The following ZNF787 variants were observed in gnomAD, a reference collection of about 807,000 sequenced individuals.
The protein encoded by ZNF787 is zinc finger protein 787.
ZNF787 carries 7 observed loss-of-function variants against 16.9 expected under a neutral mutation model. The observed-to-expected ratio is 0.42, with a 90% CI of 0.24 to 0.78. The LOEUF is 0.78. Ranked by LOEUF, ZNF787 falls within the 30% of genes least tolerant of loss-of-function variation. The pLI is 0.30. For missense variants in ZNF787, 551 were observed against 589.3 expected (o/e 0.94, Z 0.67); for synonymous variants, 345 against 270.9 (o/e 1.27, Z -2.69).
At chr19:56,102,861 G>C in intron 2 of ZNF787, 1 of 702,308 alleles carries the variant, frequency 1.4e-6, no homozygotes. Flanking sequence ...TGCTGCCCAG[G>C]CTGGAGGGGC....
At chr19:56,092,175 G>C (rs11881819) in intron 2 of ZNF787, among the ~76,000 whole-genome samples, 7 of 152,306 alleles carry the variant, frequency 4.6e-5, no homozygotes, top group African/African-American at 1.7e-4. Flanking sequence ...AGGAGCACAA[G>C]AGTTCTCATT....
rs369441020 is a variant in ZNF787, at chr19:56,109,800, C to T, written c.-10-6573G>A. 9.3e-4 allele frequency among the ~76,000 whole-genome samples: 142 copies of T among 152,220 alleles called. 1 individual carries two copies. Among genetic ancestry groups the T allele is most frequent in the African/African-American group, 3.3e-3 (136 of 41,536 alleles). ...TCGGGAGGCTGAGGCAGGAGAATGG[C>T]GTGAACCCGGGAGGCGGAGCTTGCA... On this transcript the variant is annotated intron_variant, in intron 1 of 2. Coordinates refer to ENST00000610935, the MANE Select transcript of ZNF787 (RefSeq NM_001002836.4).
In ZNF787 at chr19:56,099,793, C is replaced by T. The variant is rs151078628; in HGVS notation, c.79+3346G>A. On this transcript the variant is annotated intron_variant, in intron 2 of 2. Coordinates refer to ENST00000610935, the MANE Select transcript of ZNF787 (RefSeq NM_001002836.4). ...GGGGAAGAAAACTGCAGCAGGGCCA[C>T]GCAGGCTGGGGGCCGTGTCAGGGGT... is the stretch of plus-strand genomic sequence containing the variant. Among the ~76,000 whole-genome samples, 432 of 151,692 alleles carry T rather than the reference C, an allele frequency of 2.8e-3. 1 individual carries two copies. The highest frequency in any genetic ancestry group is 9.7e-3 in the African/African-American group (401 of 41,368).
chr19:56,090,498 A>G (rs1284091169), intron 2 of ZNF787, among the ~76,000 whole-genome samples: 2 of 152,114 alleles, frequency 1.3e-5, no homozygotes, highest in East Asian at 3.9e-4. Context: ...TGCGACCAGT[A>G]GCATCGGCGC....
chr19:56,099,970 G>A (rs1986029589), intron 2 of ZNF787, among the ~76,000 whole-genome samples: 1 of 152,176 alleles, frequency 6.6e-6, no homozygotes, highest in Admixed American at 6.5e-5. Flanking sequence ...GGCTCAGGAG[G>A]GGACAAGGAT....
Position 56,087,587 on chromosome 19 carries a change from TAAAAG to T in ZNF787, c.*431_*435del, listed in dbSNP as rs1985310141. The T allele has an allele frequency of 7.0e-6, 1 of 143,596 alleles. No homozygotes were observed. Among genetic ancestry groups the T allele is most frequent in the Non-Finnish European group, 1.5e-5 (1 of 65,734 alleles). 8.9% of individuals were successfully genotyped at this position (143,596 alleles called of 1,614,324 possible). A position where few individuals can be genotyped will look rare whatever the true frequency, so the allele number is the denominator to read the frequency against. On this transcript the variant is annotated 3_prime_UTR_variant, in exon 3 of 3. Transcript: ENST00000610935. Reference sequence around the variant, plus strand: ...AGGTGGGCTGATTAAAAGAAAATTCTAAAAGAGAAAAGGGCCCCTGGTTCTCTTCC... The same window carrying T: ...AGGTGGGCTGATTAAAAGAAAATTCTAGAAAAGGGCCCCTGGTTCTCTTCC...
chr19:56,106,432 T>G (rs553871041), intron 1 of ZNF787, among the ~76,000 whole-genome samples: 1 of 152,358 alleles, frequency 6.6e-6, no homozygotes, highest in Admixed American at 6.5e-5. Context: ...ACGTTCGCGT[T>G]CATCTCTCTG....
chr19:56,097,058 A>T (rs1985901001), intron 2 of ZNF787, among the ~76,000 whole-genome samples: 1 of 152,132 alleles, frequency 6.6e-6, no homozygotes, highest in Non-Finnish European at 1.5e-5. Context: ...TGAGATCTTC[A>T]GGAGCCCCGG....
chr19:56,102,486 G>A (rs1311517745), intron 2 of ZNF787: 3 of 188,774 alleles, frequency 1.6e-5, no homozygotes, highest in Non-Finnish European at 3.3e-5. Flanking sequence ...AGGTCACCAT[G>A]GGGCCTTCGC....
At chr19:56,114,515 C>T (rs1337239264) in intron 1 of ZNF787, among the ~76,000 whole-genome samples, 1 of 151,564 alleles carries the variant, frequency 6.6e-6, no homozygotes, top group Non-Finnish European at 1.5e-5. Flanking sequence ...CCACCTGCCC[C>T]GGCCAGGCCT....
At chr19:56,106,481 GTCT>G (rs1986318990) in intron 1 of ZNF787, among the ~76,000 whole-genome samples, 1 of 152,258 alleles carries the variant, frequency 6.6e-6, no homozygotes, top group African/African-American at 2.4e-5. Context: ...CCGCCCGCGA[GTCT>G]TCAATTCTGT....
chr19:56,087,602 C>T lies in ZNF787; in HGVS notation c.*421G>A, dbSNP rs966452460. On this transcript the variant is annotated 3_prime_UTR_variant, in exon 3 of 3. Transcript: ENST00000610935. Reference sequence around the variant, plus strand: ...AAGAAAATTCTAAAAGAGAAAAGGGCCCCTGGTTCTCTTCCCTCTCTGGGA... The same window carrying T: ...AAGAAAATTCTAAAAGAGAAAAGGGTCCCTGGTTCTCTTCCCTCTCTGGGA... 1.6e-4 allele frequency: 25 copies of T among 159,064 alleles called. No individual in the cohort carries two copies. The highest frequency in any genetic ancestry group is 6.0e-4 in the African/African-American group (25 of 41,660). The allele number at this position is 159,064 out of a possible 1,614,324, so 9.9% of individuals were successfully genotyped here.
chr19:56,112,294 G>A (rs867631463), intron 1 of ZNF787, among the ~76,000 whole-genome samples: 19 of 152,188 alleles, frequency 1.2e-4, no homozygotes, highest in African/African-American at 2.6e-4. Context: ...CGAGGGTCCC[G>A]GCCTCCCTTA....
chr19:56,087,714 T>A lies in ZNF787; in HGVS notation c.*309A>T, dbSNP rs1344023692. Reference sequence around the variant, plus strand: ...TGAGGAAGAGCAGGGAAAATGGCCTTCCGCTTGGGGCCTGGTCGCCACTCG... The same window carrying A: ...TGAGGAAGAGCAGGGAAAATGGCCTACCGCTTGGGGCCTGGTCGCCACTCG... On this transcript the variant is annotated 3_prime_UTR_variant, in exon 3 of 3. Transcript: ENST00000610935. 1 of 219,678 alleles carries A rather than the reference T, an allele frequency of 4.6e-6. No individual in the cohort carries two copies. Among genetic ancestry groups the A allele is most frequent in the Non-Finnish European group, 8.6e-6 (1 of 116,300 alleles). The allele number at this position is 219,678 out of a possible 1,614,324, so 13.6% of individuals were successfully genotyped here.
At chr19:56,090,138 C>G (rs1027705028) in intron 2 of ZNF787, among the ~76,000 whole-genome samples, 6 of 152,234 alleles carry the variant, frequency 3.9e-5, no homozygotes, top group African/African-American at 1.2e-4. Context: ...TATCCCAACA[C>G]CTGGCACGGT....
chr19:56,089,130 A>C, intron 2 of ZNF787, 38 bp from the exon 3 acceptor site: 1 of 1,406,776 alleles, frequency 7.1e-7, no homozygotes, highest in Non-Finnish European at 9.3e-7. Context: ...GAGTCAAGAG[A>C]GGCAAGGGCT....
rs1209988868 is a variant in ZNF787 at position 56,088,043 on chromosome 19, G to C, written c.1129C>G (p.Arg377Gly). The C allele has an allele frequency of 1.8e-6, 2 of 1,125,210 alleles. No individual in the cohort carries two copies. The highest frequency in any genetic ancestry group is 5.1e-5 in the Admixed American group (1 of 19,568). 69.7% of individuals were successfully genotyped at this position (1,125,210 alleles called of 1,614,324 possible). The change falls in exon 3 of 3, where the codon CGC becomes GGC. Residue 377 changes from arginine to glycine, a missense_variant. Arg to Gly is a moderately radical substitution (Grantham distance 125). Around this residue, in one of 4 missense-constraint regions of ZNF787, gnomAD observed 392 missense variants for 312.7 expected, o/e 1.25. Transcript: ENST00000610935. The surrounding 1 kb of genome is among the most constrained non-coding windows in gnomAD (Gnocchi z 8.6). Reference protein sequence around the residue: ...EAAGGRCPECRGGEGR With the variant: ...EAAGGRCPECGGGEGR ...CTCCCCTACCGGCCCTCCCCACCGC[G>C]GCACTCGGGGCACCGCCCGCCCGCG...
chr19:56,103,027 G>A (rs1490120008), intron 2 of ZNF787, 112 bp downstream of exon 2: 7 of 1,236,522 alleles, frequency 5.7e-6, no homozygotes, highest in Non-Finnish European at 8.2e-6. Context: ...GTGGTCCCAG[G>A]GCCCCAAGAG....
chr19:56,101,759 C>T (rs1278295910), intron 2 of ZNF787: 2 of 152,192 alleles, frequency 1.3e-5, no homozygotes, highest in Admixed American at 6.5e-5. Context: ...CCAGCAGTGC[C>T]GCGAATCGCT....
Sources: allele counts gnomAD v4.1 joint callset (sites outside exome capture counted in the v4.1 genomes callset), GRCh38; gene constraint gnomAD v4.1.1; regional missense constraint gnomAD v4.1.1; non-coding constraint Gnocchi (gnomAD v3.1); transcripts MANE v1.5; gene names NCBI Gene and HGNC (gene_info 2026-07-23, HGNC 2026-07-21).